Variants in CSMD3 observed in about 807,000 individuals in gnomAD.
CSMD3 encodes the protein CUB and Sushi multiple domains 3.
A neutral mutation model predicts 435.2 loss-of-function variants in CSMD3; 177 were observed. The ratio of observed to expected loss-of-function variants is 0.41; its 90% CI spans 0.36 to 0.46. CSMD3 has a LOEUF of 0.46. Among genes scored for constraint, CSMD3 ranks in the 20% least tolerant of loss-of-function variants. CSMD3 has a pLI of 0.34. For synonymous variants in CSMD3, 1,656 were observed against 1,520.5 expected (o/e 1.09, Z -2.07); for missense variants, 4,265 against 4,504.6 (o/e 0.95, Z 1.52).
chr8:112,826,069 A>G (rs1470616506), intron 12 of CSMD3, among the ~76,000 whole-genome samples: 2 of 152,144 alleles, frequency 1.3e-5, no homozygotes, highest in Non-Finnish European at 2.9e-5. Flanking sequence ...GGCCCAACCC[A>G]GTGGGGAGGG....
At chr8:112,947,098 C>T (rs565376845) in intron 9 of CSMD3, among the ~76,000 whole-genome samples, 22 of 151,464 alleles carry the variant, frequency 1.5e-4, no homozygotes, top group African/African-American at 3.1e-4. Flanking sequence ...TGTGAGTTTT[C>T]GTGAGATTAT....
intron 8 of CSMD3, among the ~76,000 whole-genome samples, chr8:112,954,056 G>T (rs1050600029): frequency 6.6e-6 from 1 of 151,386 alleles, no homozygotes; most frequent in Non-Finnish European, 1.5e-5. Flanking sequence ...TAATTTAAAT[G>T]AATGCTCTAA....
At chr8:112,658,916 C>T (rs576600357) in intron 17 of CSMD3, among the ~76,000 whole-genome samples, 43 of 152,046 alleles carry the variant, frequency 2.8e-4, no homozygotes, top group Non-Finnish European at 5.4e-4. Flanking sequence ...GATCGCACCA[C>T]TGCACTCCAG....
chr8:112,351,556 A>G (rs1826138014), intron 39 of CSMD3, among the ~76,000 whole-genome samples: 1 of 152,026 alleles, frequency 6.6e-6, no homozygotes, highest in East Asian at 1.9e-4. Flanking sequence ...TATAAGTGAA[A>G]GGGCAGTATA....
intron 11 of CSMD3, among the ~76,000 whole-genome samples, chr8:112,841,748 A>G (rs900797315): frequency 2.6e-5 from 4 of 151,636 alleles, no homozygotes; most frequent in Non-Finnish European, 4.4e-5. Context: ...GAGAATGTAT[A>G]GGGTGGACAC....
At chr8:112,719,843 C>T (rs1326318473) in intron 13 of CSMD3, among the ~76,000 whole-genome samples, 2 of 152,126 alleles carry the variant, frequency 1.3e-5, no homozygotes, top group Non-Finnish European at 2.9e-5. Flanking sequence ...TTTGAAATAT[C>T]TTTCAGCACT....
At position 113,247,996 on chromosome 8, in the gene CSMD3, C is replaced by T. The variant is rs1480559335; in HGVS notation, c.514+30596G>A. Among the ~76,000 whole-genome samples the T allele has an allele frequency of 2.0e-5, 3 of 151,994 alleles. No individual in the cohort carries two copies. The East Asian group carries it at 5.8e-4, about 29-fold the overall frequency. ...GATTAAGTCAACAAATAAGGCAGAA[C>T]CATACTTTTAAAGAAGTTTAGAAAA... On this transcript the variant is annotated intron_variant, in intron 3 of 70. Transcript: ENST00000297405.
chr8:113,080,477 A>T (rs568951021), intron 5 of CSMD3, among the ~76,000 whole-genome samples: 2 of 152,266 alleles, frequency 1.3e-5, no homozygotes, highest in African/African-American at 4.8e-5. Flanking sequence ...GAATAATTTT[A>T]TTTGCCTTTG....
chr8:112,921,022 CACACACACACACAT>C lies in CSMD3; in HGVS notation c.1633+591_1633+604del, dbSNP rs1300881219. ...GCACACACACACACACACACACACA[CACACACACACACAT>C]ATATATACCTCCAGTAATTCCAGAT... is the stretch of plus-strand genomic sequence containing the variant. On this transcript the variant is annotated intron_variant, in intron 10 of 70. Coordinates refer to ENST00000297405, the MANE Select transcript of CSMD3 (RefSeq NM_198123.2). 2.3e-4 allele frequency among the ~76,000 whole-genome samples: 34 copies of C among 149,178 alleles called. 1 individual carries two copies. The highest frequency in any genetic ancestry group is 8.6e-4 in the South Asian group (4 of 4,670).
intron 58 of CSMD3, among the ~76,000 whole-genome samples, chr8:112,282,112 T>G (rs1436298349): frequency 6.6e-6 from 1 of 152,110 alleles, no homozygotes; most frequent in African/African-American, 2.4e-5. Context: ...GGCATTTTAG[T>G]ACCTTACAGA....
chr8:112,953,422 A>C (rs1453134439), intron 8 of CSMD3, among the ~76,000 whole-genome samples: 1 of 151,456 alleles, frequency 6.6e-6, no homozygotes, highest in East Asian at 1.9e-4. Flanking sequence ...TAACAGTATC[A>C]ATCTTGAAAA....
At chr8:112,520,491 T>TGTA (rs1319086914) in intron 27 of CSMD3, among the ~76,000 whole-genome samples, 2 of 151,960 alleles carry the variant, frequency 1.3e-5, no homozygotes, top group Non-Finnish European at 2.9e-5. Flanking sequence ...CATATCCTAC[T>TGTA]AGTGGAACTC....
chr8:112,685,113 TA>T (rs1484817643), intron 15 of CSMD3, among the ~76,000 whole-genome samples: 2 of 152,196 alleles, frequency 1.3e-5, no homozygotes, highest in African/African-American at 4.8e-5. Flanking sequence ...TGCTAAGATA[TA>T]AATATGTTGG....
At chr8:113,282,980 G>A (rs998071963) in intron 2 of CSMD3, among the ~76,000 whole-genome samples, 15 of 152,038 alleles carry the variant, frequency 9.9e-5, no homozygotes, top group African/African-American at 3.6e-4. Context: ...AACATAAAGT[G>A]GGGAAAGGAC....
At chr8:112,410,714 A>G (rs10955622) in intron 32 of CSMD3, among the ~76,000 whole-genome samples, 33,392 of 101,574 alleles carry the variant, frequency 0.33, 6,327 homozygotes, top group East Asian at 0.43. Flanking sequence ...ATATATATAT[A>G]TGTATATATA....
chr8:113,060,628 T>C (rs200956252), intron 5 of CSMD3, among the ~76,000 whole-genome samples: 1 of 152,118 alleles, frequency 6.6e-6, no homozygotes, highest in African/African-American at 2.4e-5. Flanking sequence ...GCTATGGTAT[T>C]CATGTATTTA....
intron 1 of CSMD3, among the ~76,000 whole-genome samples, chr8:113,320,721 G>A (rs1470478362): frequency 6.6e-6 from 1 of 151,926 alleles, no homozygotes; most frequent in Non-Finnish European, 1.5e-5. Flanking sequence ...CCATGATGAT[G>A]CCCTGCTTTT....
intron 11 of CSMD3, among the ~76,000 whole-genome samples, chr8:112,851,490 G>A (rs985936215): frequency 6.6e-6 from 1 of 152,132 alleles, no homozygotes; most frequent in Non-Finnish European, 1.5e-5. Context: ...CTTTGAGCCG[G>A]GCGCGGTGGC....
At chr8:112,712,891 A>G (rs2076640773) in intron 13 of CSMD3, among the ~76,000 whole-genome samples, 1 of 152,078 alleles carries the variant, frequency 6.6e-6, no homozygotes, top group Non-Finnish European at 1.5e-5. Flanking sequence ...AGGACACCCA[A>G]CTCAACATTT....
Sources: allele counts gnomAD v4.1 joint callset (sites outside exome capture counted in the v4.1 genomes callset), GRCh38; gene constraint gnomAD v4.1.1; transcripts MANE v1.5; gene names NCBI Gene and HGNC (gene_info 2026-07-23, HGNC 2026-07-21).